Variants in GALNT13 observed in about 807,000 individuals in gnomAD.
The protein encoded by GALNT13 is UDP-GalNAc:polypeptide N-acetylgalactosaminyltransferase 13.
GALNT13 carries 28 observed loss-of-function variants against 64.2 expected under a neutral mutation model. The ratio of observed to expected loss-of-function variants is 0.44; its 90% CI spans 0.32 to 0.60. The LOEUF is 0.60. GALNT13 is among the 20% of genes least tolerant of loss of function. The pLI, the probability that GALNT13 is intolerant of heterozygous loss-of-function variation, is 0.05. For synonymous variants in GALNT13, 214 were observed against 224.6 expected, an observed-to-expected ratio of 0.95 and a Z score of 0.42; for missense variants, 577 against 669.8, an observed-to-expected ratio of 0.86 and a Z score of 1.53.
intron 1 of GALNT13, among the ~76,000 whole-genome samples, chr2:153,878,672 G>T (rs1178114459): frequency 1.3e-5 from 2 of 152,122 alleles, no homozygotes; most frequent in African/African-American, 4.8e-5. Flanking sequence ...ATGACAAAAA[G>T]AGCTTGTCAG....
intron 9 of GALNT13, among the ~76,000 whole-genome samples, chr2:154,388,459 T>A (rs551375493): frequency 6.6e-6 from 1 of 151,822 alleles, no homozygotes; most frequent in African/African-American, 2.4e-5. Flanking sequence ...AATCAAACAA[T>A]TTTTGTCCAG....
the GALNT13 span, among the ~76,000 whole-genome samples, chr2:153,356,789 C>CTTTTTTTTTTTTTTTTTTTTTTTTTTTT: frequency 3.8e-5 from 4 of 104,904 alleles, 2 homozygotes; most frequent in Non-Finnish European, 3.7e-5. Flanking sequence ...TCTTCTTCCT[C>CTTTTTTTTTTTTTTTTTTTTTTTTTTTT]TTTTTTTTTT....
At chr2:154,014,005 C>A (rs988885760) in intron 3 of GALNT13, among the ~76,000 whole-genome samples, 1 of 152,174 alleles carries the variant, frequency 6.6e-6, no homozygotes, top group Non-Finnish European at 1.5e-5. Flanking sequence ...TGCTGCATTG[C>A]AAGCGGGAGT....
At chr2:153,107,047 G>A in the GALNT13 span, among the ~76,000 whole-genome samples, 1 of 152,128 alleles carries the variant, frequency 6.6e-6, no homozygotes, top group Non-Finnish European at 1.5e-5. Context: ...CTATAAGTAG[G>A]TTACATTTAA....
chr2:154,456,184 GTT>G (rs1194339512), downstream of GALNT13, among the ~76,000 whole-genome samples: 31 of 54,184 alleles, frequency 5.7e-4, no homozygotes, highest in African/African-American at 2.2e-3. Flanking sequence ...TTTTTGTTTT[GTT>G]TTGTTTTGTT....
At chr2:153,345,025 G>A in the GALNT13 span, among the ~76,000 whole-genome samples, 1 of 152,176 alleles carries the variant, frequency 6.6e-6, no homozygotes, top group Admixed American at 6.5e-5. Context: ...ACATCTGAAA[G>A]CATCAAACTA....
Position 153,880,591 on chromosome 2 carries a change from T to C in GALNT13, c.-177+8288T>C, listed in dbSNP as rs541424348. ...AGACTCACTACCATCTTTTCTCTTT[T>C]TCTTATAGCAAATTTCACCAGGATT... On this transcript the variant is annotated intron_variant, in intron 1 of 12. Coordinates refer to ENST00000392825, the MANE Select transcript of GALNT13 (RefSeq NM_052917.4). 2.0e-5 allele frequency among the ~76,000 whole-genome samples: 3 copies of C among 152,230 alleles called. No homozygotes were observed. In the South Asian group the frequency reaches 6.2e-4, roughly 32 times the overall value.
At chr2:153,630,380 C>T in the GALNT13 span, among the ~76,000 whole-genome samples, 200 of 151,394 alleles carry the variant, frequency 1.3e-3, 1 homozygote, top group African/African-American at 4.7e-3. Flanking sequence ...TCATCATCCT[C>T]TGTAAACTTT....
At position 154,039,776 on chromosome 2, in the gene GALNT13, C is replaced by G. The variant is rs938170862; in HGVS notation, c.142+95137C>G. Among the ~76,000 whole-genome samples, 2 of 139,064 alleles carry G rather than the reference C, an allele frequency of 1.4e-5. 1 individual carries two copies. Among genetic ancestry groups the G allele is most frequent in the Non-Finnish European group, 3.3e-5 (2 of 60,622 alleles). The allele number at this position is 139,064 out of a possible 152,430, so 91.2% of individuals were successfully genotyped here. A position where few individuals can be genotyped will look rare whatever the true frequency, so the allele number is the denominator to read the frequency against. ...TACTAGAAGAGAGGATTTTAAATGCCTCCTACAAAAAGAAATGAGAAATAT... is the reference window on the plus strand; with the variant it reads ...TACTAGAAGAGAGGATTTTAAATGCGTCCTACAAAAAGAAATGAGAAATAT... On this transcript the variant is annotated intron_variant, in intron 3 of 12. Transcript: ENST00000392825.
At chr2:153,820,163 T>C in the GALNT13 span, among the ~76,000 whole-genome samples, 1 of 152,224 alleles carries the variant, frequency 6.6e-6, no homozygotes, top group African/African-American at 2.4e-5. Context: ...TGAAGGCTGG[T>C]CTTTTTTAAA....
intron 9 of GALNT13, among the ~76,000 whole-genome samples, chr2:154,381,104 A>T (rs1230888664): frequency 2.0e-5 from 3 of 152,054 alleles, no homozygotes; most frequent in Non-Finnish European, 4.4e-5. Flanking sequence ...TTCTACCTAC[A>T]CTCAAGGGCA....
At chr2:153,198,861 A>T in the GALNT13 span, among the ~76,000 whole-genome samples, 1 of 152,132 alleles carries the variant, frequency 6.6e-6, no homozygotes, top group Non-Finnish European at 1.5e-5. Flanking sequence ...TTGCCCTTTG[A>T]TCTAAGCAAG....
intron 4 of GALNT13, among the ~76,000 whole-genome samples, chr2:154,185,158 G>A (rs1416597512): frequency 1.3e-5 from 2 of 151,978 alleles, no homozygotes; most frequent in African/African-American, 4.8e-5. Flanking sequence ...TAAGCACTTT[G>A]AATATGTCAT....
intron 4 of GALNT13, among the ~76,000 whole-genome samples, chr2:154,199,677 A>G (rs1158658379): frequency 6.6e-6 from 1 of 152,056 alleles, no homozygotes; most frequent in Non-Finnish European, 1.5e-5. Flanking sequence ...TTAGTAAAAA[A>G]ACAGTCTTAT....
At chr2:153,746,191 C>T in the GALNT13 span, among the ~76,000 whole-genome samples, 1 of 152,056 alleles carries the variant, frequency 6.6e-6, no homozygotes, top group Non-Finnish European at 1.5e-5. Context: ...CAACAAATTT[C>T]CAAAACCTGA....
intron 1 of GALNT13, among the ~76,000 whole-genome samples, chr2:153,881,968 G>C (rs1165736683): frequency 6.6e-6 from 1 of 151,766 alleles, no homozygotes; most frequent in Admixed American, 6.6e-5. Flanking sequence ...GTTGGCTCTT[G>C]GGTTTTTTTC....
intron 7 of GALNT13, among the ~76,000 whole-genome samples, chr2:154,253,072 A>C (rs898699559): frequency 1.3e-5 from 2 of 152,156 alleles, no homozygotes; most frequent in Non-Finnish European, 2.9e-5. Flanking sequence ...GTATACTATA[A>C]GCTTTGTGCT....
the GALNT13 span, among the ~76,000 whole-genome samples, chr2:153,538,326 C>CTTTTTTTTTTTTTTTTTTTTTT: frequency 2.0e-5 from 2 of 100,846 alleles, no homozygotes; most frequent in Non-Finnish European, 4.3e-5. Context: ...TTTTTTAATT[C>CTTTTTTTTTTTTTTTTTTTTTT]TTTTTTTTTT....
the GALNT13 span, among the ~76,000 whole-genome samples, chr2:153,690,634 G>T: frequency 6.6e-6 from 1 of 152,158 alleles, no homozygotes; most frequent in Non-Finnish European, 1.5e-5. Context: ...CCCCACAACT[G>T]TGTGTGACTC....
Sources: gnomAD v4.1 joint callset for allele counts (sites outside exome capture counted in the v4.1 genomes callset) on GRCh38, gnomAD v4.1.1 for gene constraint, MANE v1.5 for transcripts, NCBI Gene and HGNC (gene_info 2026-07-23, HGNC 2026-07-21) for gene names.